VWA8: variants seen among roughly 807,000 people sequenced by gnomAD.
VWA8 encodes von Willebrand factor A domain containing 8.
A neutral mutation model predicts 241.5 loss-of-function variants in VWA8; 221 were observed. The ratio of observed to expected loss-of-function variants is 0.91; its 90% confidence interval spans 0.82 to 1.02. VWA8 has a LOEUF of 1.02. Ranked by LOEUF, VWA8 falls within the 50% of genes least tolerant of loss-of-function variation. The pLI, the probability that VWA8 is intolerant of heterozygous loss-of-function variation, is 0.00. For missense variants in VWA8, 2,322 were observed against 2,328.7 expected (o/e 1.00, Z 0.06); for synonymous variants, 852 against 827.1 (o/e 1.03, Z -0.52).
chr13:41,746,217 A>T (rs2045605556), intron 21 of VWA8, among the ~76,000 whole-genome samples: 1 of 152,242 alleles, frequency 6.6e-6, no homozygotes, highest in African/African-American at 2.4e-5. Context: ...CAAACTAAAA[A>T]AGTAAATAAC....
At position 41,615,037 on chromosome 13, in the gene VWA8, G is replaced by A. The variant is rs527452350; in HGVS notation, c.4659C>T (p.His1553=). The change falls in exon 38 of 45, where the codon CAC becomes CAT. Residue 1553 remains histidine, a synonymous_variant. Coordinates refer to ENST00000379310, the MANE Select transcript of VWA8 (RefSeq NM_015058.2). ...DSGEDVSSPK[H]GKEDPDNMPH... is the part of the protein sequence containing the mutation. ...GCATGTTGTCTGGGTCCTCCTTCCC[G>A]TGTTTGGGGGAGCTTACATCTTCAC... The A allele has an allele frequency of 5.0e-6, 8 of 1,613,906 alleles. No homozygotes were observed. The highest frequency in any genetic ancestry group is 1.3e-5 in the African/African-American group (1 of 75,028).
intron 37 of VWA8, among the ~76,000 whole-genome samples, chr13:41,622,542 T>C (rs2044664228): frequency 6.6e-6 from 1 of 152,238 alleles, no homozygotes; most frequent in Non-Finnish European, 1.5e-5. Flanking sequence ...TAACTTTTGA[T>C]GCAACCCGAT....
chr13:41,886,046 T>C lies in VWA8; in HGVS notation c.867-18A>G, dbSNP rs766389663. On this transcript the variant is annotated intron_variant, in intron 7 of 44. Transcript: ENST00000379310. ...GAGAAACTCTAAGGGAAAAATGATA[T>C]TAAATTTTAATAGTTTTAAAATATA... The C allele has an allele frequency of 4.4e-5, 65 of 1,482,980 alleles. No homozygotes were observed. Among genetic ancestry groups the C allele is most frequent in the African/African-American group, 2.4e-4 (17 of 69,550 alleles). The allele number at this position is 1,482,980 out of a possible 1,614,324, so 91.9% of individuals were successfully genotyped here. A position where few individuals can be genotyped will look rare whatever the true frequency, so the allele number is the denominator to read the frequency against.
chr13:41,812,456 G>C (rs918045916), intron 16 of VWA8, among the ~76,000 whole-genome samples: 2 of 152,068 alleles, frequency 1.3e-5, no homozygotes, highest in African/African-American at 4.8e-5. Flanking sequence ...AGGGTGATAA[G>C]GGCAGTAAAG....
At chr13:41,618,288 G>A (rs937680526) in intron 37 of VWA8, among the ~76,000 whole-genome samples, 2 of 152,196 alleles carry the variant, frequency 1.3e-5, no homozygotes, top group African/African-American at 4.8e-5. Context: ...TTTGAAAAGC[G>A]TCTGTTCATA....
intron 19 of VWA8, among the ~76,000 whole-genome samples, chr13:41,782,056 A>C (rs1868912510): frequency 6.6e-6 from 1 of 152,240 alleles, no homozygotes; most frequent in Non-Finnish European, 1.5e-5. Flanking sequence ...AATTTAATCA[A>C]GCTACTGTCC....
chr13:41,865,219 C>T (rs2138048812), intron 12 of VWA8: 1 of 275,038 alleles, frequency 3.6e-6, no homozygotes, highest in South Asian at 3.1e-5. Context: ...ATTTTCACAG[C>T]ACATGTGATA....
At chr13:41,738,535 G>A (rs1175230122) in intron 21 of VWA8, among the ~76,000 whole-genome samples, 1 of 152,072 alleles carries the variant, frequency 6.6e-6, no homozygotes. Context: ...AAAAGTCAAA[G>A]CCATGCTGAT....
At chr13:41,959,606 C>CTTT (rs1168629617) in intron 1 of VWA8, among the ~76,000 whole-genome samples, 6 of 79,646 alleles carry the variant, frequency 7.5e-5, no homozygotes, top group Non-Finnish European at 1.2e-4. Context: ...CCTAAATATG[C>CTTT]TTTTTTTTTT....
intron 17 of VWA8, among the ~76,000 whole-genome samples, chr13:41,803,124 C>T (rs921430121): frequency 1.3e-5 from 2 of 152,250 alleles, no homozygotes; most frequent in African/African-American, 4.8e-5. Flanking sequence ...TTCCCTAATG[C>T]AGGTATGGCT....
chr13:41,626,385 C>T (rs566333539), intron 37 of VWA8, among the ~76,000 whole-genome samples: 60 of 152,118 alleles, frequency 3.9e-4, no homozygotes, highest in African/African-American at 1.4e-3. Flanking sequence ...ATCAAACTAC[C>T]AATATCATTT....
chr13:41,698,306 T>A (rs1362198227), intron 29 of VWA8, among the ~76,000 whole-genome samples: 2 of 152,026 alleles, frequency 1.3e-5, no homozygotes, highest in Admixed American at 6.6e-5. Context: ...ACTAGATAGA[T>A]AATAGGTATA....
Position 41,573,506 on chromosome 13 carries a change from T to TATATATAC in VWA8, c.5370+2233_5370+2234insGTATATAT, listed in dbSNP as rs1439940851. ...AAAAAAATATATATATATATATATA[T>TATATATAC]ACCTCTCTCTATATATACGTGTATA... On this transcript the variant is annotated intron_variant, in intron 43 of 44. Coordinates refer to ENST00000379310, the MANE Select transcript of VWA8 (RefSeq NM_015058.2). Among the ~76,000 whole-genome samples the TATATATAC allele has an allele frequency of 1.2e-3, 175 of 141,632 alleles. 2 individuals carry two copies. Among genetic ancestry groups the TATATATAC allele is most frequent in the African/African-American group, 4.3e-3 (162 of 37,384 alleles). The allele number at this position is 141,632 out of a possible 152,430, so 92.9% of individuals were successfully genotyped here.
chr13:41,780,625 T>C (rs764641513), intron 19 of VWA8, among the ~76,000 whole-genome samples: 1 of 152,202 alleles, frequency 6.6e-6, no homozygotes, highest in East Asian at 1.9e-4. Context: ...CCTAGATTTG[T>C]ATCAGCTAAT....
intron 17 of VWA8, among the ~76,000 whole-genome samples, chr13:41,805,269 T>A (rs1480081734): frequency 6.6e-6 from 1 of 152,140 alleles, no homozygotes; most frequent in African/African-American, 2.4e-5. Flanking sequence ...GGAGTCACTA[T>A]AATTATATCA....
chr13:41,613,318 G>A (rs529839318), intron 38 of VWA8, among the ~76,000 whole-genome samples: 1 of 152,238 alleles, frequency 6.6e-6, no homozygotes, highest in East Asian at 1.9e-4. Context: ...ATGGGTGGTG[G>A]AAAATTCCTT....
intron 12 of VWA8, among the ~76,000 whole-genome samples, chr13:41,842,712 T>G (rs768966827): frequency 2.2e-4 from 33 of 152,224 alleles, no homozygotes; most frequent in Non-Finnish European, 4.6e-4. Context: ...AATACAGTTA[T>G]GTACTCCATC....
Position 41,762,379 on chromosome 13 carries a change from T to C in VWA8, c.2350-1175A>G, listed in dbSNP as rs375482012. Among the ~76,000 whole-genome samples the C allele has an allele frequency of 4.6e-5, 7 of 152,048 alleles. No individual in the cohort carries two copies. The South Asian group carries it at 6.2e-4, about 14-fold the overall frequency. On this transcript the variant is annotated intron_variant, in intron 20 of 44. Coordinates refer to ENST00000379310, the MANE Select transcript of VWA8 (RefSeq NM_015058.2). Reference sequence around the variant, plus strand: ...AGAAACCAAGGCTCAGAGGTAAGCATTGTGCACACAGTCACATACAGGTAA... The same window carrying C: ...AGAAACCAAGGCTCAGAGGTAAGCACTGTGCACACAGTCACATACAGGTAA...
intron 12 of VWA8, among the ~76,000 whole-genome samples, chr13:41,849,732 CA>C (rs1872446333): frequency 6.6e-6 from 1 of 151,942 alleles, no homozygotes; most frequent in South Asian, 2.1e-4. Context: ...ACTAAAAATA[CA>C]AAAAGTGGCC....
Sources: allele counts gnomAD v4.1 joint callset (sites outside exome capture counted in the v4.1 genomes callset), GRCh38; gene constraint gnomAD v4.1.1; transcripts MANE v1.5; gene names NCBI Gene and HGNC (gene_info 2026-07-23, HGNC 2026-07-21).